ZFHX3: variants seen among roughly 807,000 people sequenced by gnomAD.
The protein encoded by ZFHX3 is zinc finger homeobox protein 3.
ZFHX3 carries 42 observed loss-of-function variants against 279.1 expected under a neutral mutation model. That is an observed-to-expected ratio of 0.15 (90% CI 0.12 to 0.19). The LOEUF is 0.19. ZFHX3 is among the 10% of genes least tolerant of loss of function. The probability of loss-of-function intolerance (pLI) is 1.00; values close to 1 mark genes in which losing one functional copy is unlikely to be tolerated. For synonymous variants in ZFHX3, 2,293 were observed against 1,957.8 expected (o/e 1.17, Z -4.52); for missense variants, 4,981 against 4,754.0 (o/e 1.05, Z -1.40).
intron 4 of ZFHX3, among the ~76,000 whole-genome samples, chr16:72,861,792 G>T (rs1254832480): frequency 2.0e-5 from 3 of 152,078 alleles, no homozygotes; most frequent in Non-Finnish European, 4.4e-5. Context: ...AGGCGGGCGG[G>T]TCACTTAAGG....
At chr16:72,990,459 G>A (rs1881061341) in intron 1 of ZFHX3, among the ~76,000 whole-genome samples, 2 of 152,160 alleles carry the variant, frequency 1.3e-5, no homozygotes, top group South Asian at 2.1e-4. Context: ...GAAGCGGGCG[G>A]GAGAGAGCTA....
At chr16:73,530,447 G>A (rs546130821) in intron 2 of ZFHX3, among the ~76,000 whole-genome samples, 1 of 152,146 alleles carries the variant, frequency 6.6e-6, no homozygotes, top group Non-Finnish European at 1.5e-5. Flanking sequence ...TGTTTTCCAC[G>A]TCTGATAAAC....
chr16:73,541,135 T>C (rs1302109934), intron 2 of ZFHX3, among the ~76,000 whole-genome samples: 3 of 152,082 alleles, frequency 2.0e-5, no homozygotes, highest in Non-Finnish European at 4.4e-5. Context: ...CCTTTATGAA[T>C]ATTTATTTTG....
chr16:73,736,193 C>A (rs1169945136), intron 1 of ZFHX3, among the ~76,000 whole-genome samples: 1 of 152,118 alleles, frequency 6.6e-6, no homozygotes, highest in African/African-American at 2.4e-5. Flanking sequence ...TCAGTGATCC[C>A]TGTGGGTTTC....
intron 1 of ZFHX3, among the ~76,000 whole-genome samples, chr16:72,989,749 T>C (rs1238684474): frequency 1.3e-5 from 2 of 152,218 alleles, no homozygotes; most frequent in African/African-American, 2.4e-5. Context: ...CCAGGAAGAA[T>C]TGCCAAAAGC....
intron 4 of ZFHX3, among the ~76,000 whole-genome samples, chr16:72,863,431 T>C (rs1272783861): frequency 6.7e-6 from 1 of 149,786 alleles, no homozygotes; most frequent in Admixed American, 6.6e-5. Flanking sequence ...GGCAGGAGGA[T>C]GGCTTGAGCC....
chr16:73,653,148 T>C (rs1449626267), intron 2 of ZFHX3, among the ~76,000 whole-genome samples: 1 of 152,128 alleles, frequency 6.6e-6, no homozygotes, highest in East Asian at 1.9e-4. Flanking sequence ...GTAATAAAGA[T>C]TTAATCTACA....
intron 2 of ZFHX3, among the ~76,000 whole-genome samples, chr16:73,536,911 G>C (rs571025165): frequency 6.6e-6 from 1 of 152,090 alleles, no homozygotes; most frequent in Non-Finnish European, 1.5e-5. Context: ...TATTTGCATA[G>C]GTTAATTCAA....
intron 2 of ZFHX3, among the ~76,000 whole-genome samples, chr16:73,647,708 CAGTTTAG>C (rs750425986): frequency 2.1e-4 from 32 of 151,466 alleles, no homozygotes; most frequent in Middle Eastern, 3.4e-3. Flanking sequence ...AAAGATTTTC[CAGTTTAG>C]AGTCAAGAAA....
rs554195391 is a variant in ZFHX3, at chr16:73,823,357, C to A, written c.-1608+68294G>T. On this transcript the variant is annotated intron_variant, in intron 1 of 17. Coordinates refer to the ZFHX3 transcript ENST00000641206. ...TGATTAGAGAGACAAGATAGAGACA[C>A]AATGCAATCCCTGGGCCCATCCATC... Among the ~76,000 whole-genome samples, 5 of 152,210 alleles carry A rather than the reference C, an allele frequency of 3.3e-5. No individual in the cohort carries two copies. The South Asian group carries it at 1.0e-3, about 32-fold the overall frequency.
intron 8 of ZFHX3, among the ~76,000 whole-genome samples, chr16:73,084,162 G>T (rs1225758795): frequency 6.6e-6 from 1 of 152,172 alleles, no homozygotes; most frequent in East Asian, 1.9e-4. Context: ...TGTCATCAAT[G>T]AAAGCCTTTA....
chr16:73,351,039 C>G (rs111784672), intron 3 of ZFHX3, among the ~76,000 whole-genome samples: 34 of 152,286 alleles, frequency 2.2e-4, no homozygotes, highest in African/African-American at 7.5e-4. Context: ...AGGGAAGTGA[C>G]ACTGGTGGCA....
intron 6 of ZFHX3, among the ~76,000 whole-genome samples, chr16:73,136,173 CTT>C (rs1966787265): frequency 6.6e-6 from 1 of 152,310 alleles, no homozygotes; most frequent in Non-Finnish European, 1.5e-5. Context: ...CATGGAGCCA[CTT>C]GAGTTTGCCA....
At chr16:73,875,862 C>T (rs968354409) in intron 1 of ZFHX3, among the ~76,000 whole-genome samples, 3 of 152,152 alleles carry the variant, frequency 2.0e-5, no homozygotes, top group Admixed American at 6.5e-5. Context: ...CCACCTACAC[C>T]GAACATTAAA....
At chr16:73,523,835 A>G (rs755056629) in intron 2 of ZFHX3, among the ~76,000 whole-genome samples, 1 of 152,152 alleles carries the variant, frequency 6.6e-6, no homozygotes, top group Non-Finnish European at 1.5e-5. Flanking sequence ...GACATCCACC[A>G]TTGAAAATAT....
At chr16:73,717,554 C>T (rs150499322) in intron 1 of ZFHX3, among the ~76,000 whole-genome samples, 27 of 152,278 alleles carry the variant, frequency 1.8e-4, no homozygotes, top group African/African-American at 4.3e-4. Flanking sequence ...GCATTTTTGA[C>T]GCTCAAACAA....
intron 1 of ZFHX3, among the ~76,000 whole-genome samples, chr16:72,969,951 G>A (rs138687592): frequency 7.9e-5 from 12 of 152,322 alleles, no homozygotes; most frequent in South Asian, 2.1e-4. Context: ...GCTGCCGGAC[G>A]CCCACTGCCC....
chr16:73,267,985 T>A (rs1008385881), intron 4 of ZFHX3, among the ~76,000 whole-genome samples: 1 of 152,176 alleles, frequency 6.6e-6, no homozygotes, highest in African/African-American at 2.4e-5. Flanking sequence ...GTGATATTAG[T>A]GCTATTATTA....
intron 1 of ZFHX3, among the ~76,000 whole-genome samples, chr16:73,875,938 C>T (rs1477992681): frequency 1.3e-5 from 2 of 152,122 alleles, no homozygotes; most frequent in Non-Finnish European, 1.5e-5. Context: ...AATTAAGAGA[C>T]TTTGGTCCTT....
Sources: gnomAD v4.1 joint callset for allele counts (sites outside exome capture counted in the v4.1 genomes callset) on GRCh38, gnomAD v4.1.1 for gene constraint, MANE v1.5 for transcripts, NCBI Gene and HGNC (gene_info 2026-07-23, HGNC 2026-07-21) for gene names.